Variants in PPP1R12B observed in about 807,000 individuals in gnomAD.
PPP1R12B encodes myosin phosphatase target subunit 2.
PPP1R12B carries 76 observed loss-of-function variants against 126.1 expected under a neutral mutation model. The observed-to-expected ratio is 0.60, with a 90% CI of 0.50 to 0.73. The LOEUF is 0.73. Ranked by LOEUF, PPP1R12B falls within the 30% of genes least tolerant of loss-of-function variation. The probability of loss-of-function intolerance (pLI) is 0.00; values close to 1 mark genes in which losing one functional copy is unlikely to be tolerated. For synonymous variants in PPP1R12B, 356 were observed against 434.7 expected (o/e 0.82, Z 2.25); for missense variants, 1,052 against 1,205.1 (o/e 0.87, Z 1.88).
At chr1:202,563,905 C>CA (rs758770037) in intron 20 of PPP1R12B, among the ~76,000 whole-genome samples, 10 of 151,952 alleles carry the variant, frequency 6.6e-5, no homozygotes, top group Non-Finnish European at 1.3e-4. Context: ...CCCATCTCCA[C>CA]AAAAAATTGA....
At chr1:202,394,530 G>A (rs1419367360) in intron 1 of PPP1R12B, among the ~76,000 whole-genome samples, 16 of 151,764 alleles carry the variant, frequency 1.1e-4, no homozygotes, top group Non-Finnish European at 2.1e-4. Context: ...CAAGGCGAGC[G>A]GATCACCTGA....
At chr1:202,438,434 C>A in intron 10 of PPP1R12B, 2 of 454,192 alleles carry the variant, frequency 4.4e-6, no homozygotes, top group East Asian at 5.4e-5. Context: ...CCTCTGCCCC[C>A]GCCTCCTGCC....
rs1277851830 is a variant in PPP1R12B at position 202,348,840 on chromosome 1, G to A, written c.-12G>A. 6.2e-7 allele frequency: 1 copy of A among 1,600,932 alleles called. No homozygotes were observed. The highest frequency in any genetic ancestry group is 8.5e-7 in the Non-Finnish European group (1 of 1,176,292). ...GTTGGTAGTTTTGGCAGCAGCTGCC[G>A]AGGCCGGAGCAATGGCGGAACTGGA... On this transcript the variant is annotated 5_prime_UTR_variant, in exon 1 of 24. Coordinates refer to ENST00000608999, the MANE Select transcript of PPP1R12B (RefSeq NM_002481.4).
At chr1:202,430,701 C>T (rs1355273902) in intron 6 of PPP1R12B, 30 bp from the exon 7 acceptor site, 1 of 1,609,262 alleles carries the variant, frequency 6.2e-7, no homozygotes, top group South Asian at 1.1e-5. Flanking sequence ...TCAACTTCTT[C>T]CCTTTTCTCT....
chr1:202,450,608 A>T (rs568330721), intron 13 of PPP1R12B, among the ~76,000 whole-genome samples: 3 of 152,236 alleles, frequency 2.0e-5, no homozygotes, highest in South Asian at 2.1e-4. Flanking sequence ...ATTTGTGTGT[A>T]TTAAGAGATT....
intron 19 of PPP1R12B, among the ~76,000 whole-genome samples, chr1:202,560,255 G>A (rs759158392): frequency 5.9e-5 from 9 of 152,202 alleles, no homozygotes; most frequent in Non-Finnish European, 8.8e-5. Context: ...TACCATTACC[G>A]GAAAGGGGTC....
intron 18 of PPP1R12B, among the ~76,000 whole-genome samples, chr1:202,526,368 A>G (rs1683349835): frequency 6.6e-6 from 1 of 152,180 alleles, no homozygotes; most frequent in South Asian, 2.1e-4. Context: ...TAGGAAAGTA[A>G]ATGGACTAGG....
At chr1:202,561,029 T>C (rs1200142916) in intron 19 of PPP1R12B, among the ~76,000 whole-genome samples, 1 of 147,630 alleles carries the variant, frequency 6.8e-6, no homozygotes, top group Non-Finnish European at 1.5e-5. Flanking sequence ...AAAATAAAAA[T>C]AAAAAAAATA....
chr1:202,437,777 T>C (rs1203833474), intron 9 of PPP1R12B, 44 bp from the exon 10 acceptor site: 1 of 1,527,510 alleles, frequency 6.5e-7, no homozygotes, highest in East Asian at 2.3e-5. Context: ...GAAAGAATCA[T>C]CAGAGCCTTT....
chr1:202,489,614 A>G (rs1014442049), intron 14 of PPP1R12B, among the ~76,000 whole-genome samples: 8 of 152,196 alleles, frequency 5.3e-5, no homozygotes, highest in Non-Finnish European at 1.2e-4. Context: ...AAAACACTCC[A>G]TATATTATAT....
intron 18 of PPP1R12B, chr1:202,502,386 T>C (rs1680328544): frequency 1.0e-5 from 10 of 984,800 alleles, no homozygotes; most frequent in Non-Finnish European, 1.2e-5. Flanking sequence ...CTAGCAGAGC[T>C]GAGTTTTGAA....
At chr1:202,474,282 C>A (rs1676340142) in intron 13 of PPP1R12B, among the ~76,000 whole-genome samples, 1 of 151,004 alleles carries the variant, frequency 6.6e-6, no homozygotes, top group African/African-American at 2.4e-5. Context: ...AGCTGACTAA[C>A]AAATTGCATT....
At chr1:202,397,621 G>A (rs1665181981) in intron 1 of PPP1R12B, among the ~76,000 whole-genome samples, 1 of 152,092 alleles carries the variant, frequency 6.6e-6, no homozygotes, top group Non-Finnish European at 1.5e-5. Flanking sequence ...AGAAAGGATG[G>A]CATTATAACT....
chr1:202,574,491 G>A (rs1346133837), intron 23 of PPP1R12B, among the ~76,000 whole-genome samples: 4 of 152,166 alleles, frequency 2.6e-5, no homozygotes, highest in African/African-American at 4.8e-5. Context: ...TGACAGAGTC[G>A]GACCCTATCT....
chr1:202,381,898 A>G (rs540428204), intron 1 of PPP1R12B, among the ~76,000 whole-genome samples: 71 of 152,286 alleles, frequency 4.7e-4, no homozygotes, highest in African/African-American at 1.6e-3. Context: ...TTGTAGAACA[A>G]TTGACCCAAC....
At chr1:202,429,963 G>A (rs1215141887) in intron 6 of PPP1R12B, among the ~76,000 whole-genome samples, 2 of 152,150 alleles carry the variant, frequency 1.3e-5, no homozygotes, top group Non-Finnish European at 2.9e-5. Context: ...ACAACTTAAA[G>A]TTCATTTTGT....
At chr1:202,371,858 CTTTTTTTTTTTT>C (rs1193939057) in intron 1 of PPP1R12B, among the ~76,000 whole-genome samples, 1 of 75,342 alleles carries the variant, frequency 1.3e-5, no homozygotes, top group Middle Eastern at 0.013. Flanking sequence ...ATTATAGTTT[CTTTTTTTTTTTT>C]TTTTTTTTTT....
chr1:202,510,418 G>A (rs1681315338), intron 18 of PPP1R12B, among the ~76,000 whole-genome samples: 1 of 152,198 alleles, frequency 6.6e-6, no homozygotes, highest in Non-Finnish European at 1.5e-5. Flanking sequence ...AATCTATATT[G>A]TAAAGGTCTT....
intron 1 of PPP1R12B, among the ~76,000 whole-genome samples, chr1:202,374,659 C>T (rs531441030): frequency 2.2e-4 from 33 of 151,872 alleles, no homozygotes; most frequent in East Asian, 9.8e-4. Context: ...CCGCCACGCC[C>T]AGCTAATTTT....
Sources: gnomAD v4.1 joint callset for allele counts (sites outside exome capture counted in the v4.1 genomes callset) on GRCh38, gnomAD v4.1.1 for gene constraint, MANE v1.5 for transcripts, NCBI Gene and HGNC (gene_info 2026-07-23, HGNC 2026-07-21) for gene names.